The following GALNT14 variants were observed in gnomAD, a reference collection of about 807,000 sequenced individuals.
The protein encoded by GALNT14 is polypeptide N-acetylgalactosaminyltransferase 14, also known as UDP-GalNAc:polypeptide N-acetylgalactosaminyltransferase 14.
A neutral mutation model predicts 77.5 loss-of-function variants in GALNT14; 60 were observed. The observed-to-expected ratio is 0.77, with a 90% CI of 0.63 to 0.96. The LOEUF (loss-of-function observed/expected upper bound fraction) is 0.96, where lower values mean the gene tolerates loss of function less well. Ranked by LOEUF, GALNT14 falls within the 40% of genes least tolerant of loss-of-function variation. The pLI is 0.00. For missense variants in GALNT14, 710 were observed against 731.0 expected, an observed-to-expected ratio of 0.97 and a Z score of 0.33; for synonymous variants, 280 against 281.7, an observed-to-expected ratio of 0.99 and a Z score of 0.06.
At chr2:31,003,555 C>A (rs1157660657) in intron 1 of GALNT14, among the ~76,000 whole-genome samples, 1 of 152,166 alleles carries the variant, frequency 6.6e-6, no homozygotes, top group African/African-American at 2.4e-5. Flanking sequence ...TGATTTCTCT[C>A]TCATTTAGTC....
intron 1 of GALNT14, among the ~76,000 whole-genome samples, chr2:30,998,371 T>G (rs1670164540): frequency 6.6e-6 from 1 of 152,174 alleles, no homozygotes; most frequent in South Asian, 2.1e-4. Context: ...CTCCCTTCTG[T>G]TAGGATTTAA....
At chr2:30,985,828 C>A (rs528219720) in intron 2 of GALNT14, among the ~76,000 whole-genome samples, 7 of 152,330 alleles carry the variant, frequency 4.6e-5, no homozygotes, top group African/African-American at 1.7e-4. Flanking sequence ...CTCCCCTCCC[C>A]TCAGCCTTGG....
chr2:30,944,272 T>C (rs1287103788), intron 8 of GALNT14, among the ~76,000 whole-genome samples: 1 of 152,150 alleles, frequency 6.6e-6, no homozygotes, highest in East Asian at 1.9e-4. Flanking sequence ...CCAGGCCCCA[T>C]GCAAAGCCCT....
At chr2:30,944,965 C>T (rs925990094) in intron 7 of GALNT14, 23 bp from the exon 8 acceptor site, 27 of 1,575,606 alleles carry the variant, frequency 1.7e-5, no homozygotes, top group Non-Finnish European at 2.2e-5. Flanking sequence ...ACCAACCCAC[C>T]TGCTTTGGTC....
chr2:31,062,560 C>A (rs1024957053), intron 1 of GALNT14, among the ~76,000 whole-genome samples: 2 of 152,136 alleles, frequency 1.3e-5, no homozygotes, highest in Non-Finnish European at 2.9e-5. Flanking sequence ...GATTTATAAT[C>A]TTTTGGGTAT....
At chr2:31,097,193 T>C (rs913260358) in intron 1 of GALNT14, among the ~76,000 whole-genome samples, 11 of 151,974 alleles carry the variant, frequency 7.2e-5, no homozygotes, top group African/African-American at 2.4e-4. Context: ...TAAAGGAAAA[T>C]ACAAAAATGG....
At chr2:31,084,998 G>A (rs1433470840) in intron 1 of GALNT14, among the ~76,000 whole-genome samples, 1 of 150,248 alleles carries the variant, frequency 6.7e-6, no homozygotes, top group African/African-American at 2.5e-5. Flanking sequence ...TTGTACTCCA[G>A]CCAGGGTGAC....
At chr2:30,993,641 G>T (rs2148406218) in intron 1 of GALNT14, among the ~76,000 whole-genome samples, 1 of 152,356 alleles carries the variant, frequency 6.6e-6, no homozygotes, top group Non-Finnish European at 1.5e-5. Flanking sequence ...ATCAATGGGG[G>T]AGTGAGTAAC....
intron 1 of GALNT14, among the ~76,000 whole-genome samples, chr2:31,085,044 CAT>C (rs1478452370): frequency 1.3e-5 from 2 of 150,500 alleles, no homozygotes; most frequent in African/African-American, 2.4e-5. Flanking sequence ...AAAAAAGTAA[CAT>C]GTGTGACACG....
chr2:30,935,724 G>A (rs1405484608), intron 9 of GALNT14, among the ~76,000 whole-genome samples: 1 of 152,206 alleles, frequency 6.6e-6, no homozygotes, highest in Non-Finnish European at 1.5e-5. Context: ...TCAAGGAAAT[G>A]ATGTGTATCC....
At chr2:30,981,902 C>T (rs1163653134) in intron 2 of GALNT14, among the ~76,000 whole-genome samples, 1 of 152,170 alleles carries the variant, frequency 6.6e-6, no homozygotes, top group East Asian at 1.9e-4. Flanking sequence ...CATGCACTTT[C>T]GCAGGCTCAG....
At chr2:30,991,614 C>T (rs1669708317) in intron 2 of GALNT14, among the ~76,000 whole-genome samples, 3 of 152,146 alleles carry the variant, frequency 2.0e-5, no homozygotes, top group Non-Finnish European at 4.4e-5. Flanking sequence ...GTTAAATTCA[C>T]AGAAAGTCAG....
intron 1 of GALNT14, among the ~76,000 whole-genome samples, chr2:31,022,226 T>C (rs1671764474): frequency 6.6e-6 from 1 of 152,204 alleles, no homozygotes. Context: ...AGACTTGATT[T>C]TCTCAGAAGA....
Position 31,020,666 on chromosome 2 carries a change from AG to A in GALNT14, c.130-27660del, listed in dbSNP as rs202078713. 4.8e-3 allele frequency among the ~76,000 whole-genome samples: 726 copies of A among 152,268 alleles called. 6 individuals are homozygous for A. The highest frequency in any genetic ancestry group is 0.016 in the African/African-American group (668 of 41,556). On this transcript the variant is annotated intron_variant, in intron 1 of 14. Coordinates refer to ENST00000349752, the MANE Select transcript of GALNT14 (RefSeq NM_024572.4). Reference sequence around the variant, plus strand: ...GTCCCCCTTTCCCCTCTGGGAGGGAAGGTGTGTTGCTGGTAGGATCAACCCA... The same window carrying A: ...GTCCCCCTTTCCCCTCTGGGAGGGAAGTGTGTTGCTGGTAGGATCAACCCA...
At chr2:31,085,319 T>C (rs1305447669) in intron 1 of GALNT14, among the ~76,000 whole-genome samples, 8 of 152,174 alleles carry the variant, frequency 5.3e-5, no homozygotes, top group African/African-American at 1.2e-4. Flanking sequence ...ACCCCAGAGC[T>C]ATCAGGACAA....
intron 2 of GALNT14, among the ~76,000 whole-genome samples, chr2:30,971,344 A>G (rs544816395): frequency 9.9e-4 from 150 of 152,222 alleles, no homozygotes; most frequent in African/African-American, 3.6e-3. Context: ...AAGAAGAGCC[A>G]GTGAGCGGGA....
intron 1 of GALNT14, among the ~76,000 whole-genome samples, chr2:31,062,421 A>G (rs986453077): frequency 1.3e-5 from 2 of 152,172 alleles, no homozygotes; most frequent in East Asian, 3.8e-4. Context: ...ATAGTATTCC[A>G]TGGCGTATAT....
intron 6 of GALNT14, among the ~76,000 whole-genome samples, chr2:30,949,880 C>A (rs1666921552): frequency 6.6e-6 from 1 of 151,988 alleles, no homozygotes; most frequent in South Asian, 2.1e-4. Flanking sequence ...TCTAAGCTGG[C>A]CTGAAGGGAG....
At chr2:31,101,732 T>G (rs534931560) in intron 1 of GALNT14, among the ~76,000 whole-genome samples, 1 of 152,080 alleles carries the variant, frequency 6.6e-6, no homozygotes, top group Non-Finnish European at 1.5e-5. Context: ...TATTGTTGTT[T>G]TTTTCCCCAT....
Sources: gnomAD v4.1 joint callset for allele counts (sites outside exome capture counted in the v4.1 genomes callset) on GRCh38, gnomAD v4.1.1 for gene constraint, MANE v1.5 for transcripts, NCBI Gene and HGNC (gene_info 2026-07-23, HGNC 2026-07-21) for gene names.